Variants in DCHS2 observed in about 807,000 individuals in gnomAD.
DCHS2 encodes protocadherin-23.
DCHS2 carries 142 observed loss-of-function variants against 182.4 expected under a neutral mutation model. The observed-to-expected ratio is 0.78, with a 90% CI of 0.68 to 0.89. The LOEUF is 0.89. Among genes scored for constraint, DCHS2 ranks in the 40% least tolerant of loss-of-function variants. DCHS2 has a pLI of 0.00. For synonymous variants in DCHS2, 1,740 were observed against 1,663.3 expected, an observed-to-expected ratio of 1.05 and a Z score of -1.12; for missense variants, 4,319 against 4,198.6, an observed-to-expected ratio of 1.03 and a Z score of -0.79.
At chr4:154,344,490 T>C (rs1456908355) in intron 3 of DCHS2, among the ~76,000 whole-genome samples, 5 of 152,220 alleles carry the variant, frequency 3.3e-5, no homozygotes, top group Admixed American at 2.0e-4. Flanking sequence ...AATATATTTG[T>C]TTTGGTCAGG....
intron 14 of DCHS2, among the ~76,000 whole-genome samples, chr4:154,265,549 C>A (rs1181596400): frequency 6.6e-6 from 1 of 152,034 alleles, no homozygotes; most frequent in Non-Finnish European, 1.5e-5. Context: ...GAGGCCAAGG[C>A]AAGGAGATTG....
chr4:154,391,412 C>T (rs1484736091), intron 1 of DCHS2: 1 of 1,393,772 alleles, frequency 7.2e-7, no homozygotes, highest in Non-Finnish European at 9.4e-7. Context: ...CCACTTGCAG[C>T]ATAAAGAAAG....
intron 1 of DCHS2, among the ~76,000 whole-genome samples, chr4:154,378,520 A>AAGGAAGGAAGGAAG (rs1579025517): frequency 1.2e-4 from 8 of 64,098 alleles, no homozygotes; most frequent in Non-Finnish European, 2.2e-4. Context: ...AAGGAAGGAA[A>AAGGAAGGAAGGAAG]GAAGGAAGGA....
At chr4:154,426,086 G>A (rs1314494027) in intron 1 of DCHS2, among the ~76,000 whole-genome samples, 2 of 152,036 alleles carry the variant, frequency 1.3e-5, no homozygotes, top group Non-Finnish European at 2.9e-5. Context: ...TGTGCAGCCT[G>A]TCTAAACCAG....
At chr4:154,368,776 G>A (rs1048756848) in intron 2 of DCHS2, among the ~76,000 whole-genome samples, 6 of 152,172 alleles carry the variant, frequency 3.9e-5, no homozygotes, top group African/African-American at 1.4e-4. Context: ...TGGGATTACA[G>A]GCATGAGCCA....
intron 1 of DCHS2, among the ~76,000 whole-genome samples, chr4:154,462,908 T>A (rs537206310): frequency 2.0e-5 from 3 of 152,050 alleles, no homozygotes; most frequent in African/African-American, 7.2e-5. Context: ...ACAACTAATA[T>A]GTATATGCTC....
chr4:154,378,372 A>T (rs899928469), intron 1 of DCHS2, among the ~76,000 whole-genome samples: 2 of 151,900 alleles, frequency 1.3e-5, no homozygotes, highest in Admixed American at 6.6e-5. Context: ...CAGTAAGAGC[A>T]AACACCTACA....
chr4:154,382,395 A>G (rs1025107759), intron 1 of DCHS2, among the ~76,000 whole-genome samples: 2 of 152,186 alleles, frequency 1.3e-5, no homozygotes, highest in East Asian at 3.8e-4. Context: ...AGAATCCTAG[A>G]AGAAAACCTA....
rs145459255 is a variant in DCHS2, at chr4:154,442,407, C to T, written c.2052+46897G>A. 5.0e-3 allele frequency among the ~76,000 whole-genome samples: 756 copies of T among 151,984 alleles called. 5 individuals are homozygous for T. Among genetic ancestry groups the T allele is most frequent in the Admixed American group, 7.9e-3 (120 of 15,230 alleles). On this transcript the variant is annotated intron_variant, in intron 1 of 19. Coordinates refer to ENST00000357232, the MANE Select transcript of DCHS2 (RefSeq NM_001358235.2). The stretch of plus-strand genomic sequence containing the variant: ...TGACTCAAACATGCCCTTCCTGAGT[C>T]CCCCAAACCCCTTGACTGTACCTTG...
At chr4:154,367,757 C>T (rs1358376849) in intron 2 of DCHS2, among the ~76,000 whole-genome samples, 1 of 151,928 alleles carries the variant, frequency 6.6e-6, no homozygotes, top group East Asian at 1.9e-4. Context: ...CAGGGAGGCA[C>T]AGAGCAAGGA....
chr4:154,396,602 C>T (rs1731938894), intron 1 of DCHS2, among the ~76,000 whole-genome samples: 1 of 152,132 alleles, frequency 6.6e-6, no homozygotes, highest in Admixed American at 6.6e-5. Context: ...TCAACGGTGT[C>T]TCTAACCTCC....
At position 154,486,365 on chromosome 4, in the gene DCHS2, T is replaced by C. The variant is rs570410311; in HGVS notation, c.2052+2939A>G. 384 of 1,290,078 alleles carry C rather than the reference T, an allele frequency of 3.0e-4. 2 individuals are homozygous for C. The South Asian group carries it at 4.2e-3, about 14-fold the overall frequency. The allele number at this position is 1,290,078 out of a possible 1,614,324, so 79.9% of individuals were successfully genotyped here. On this transcript the variant is annotated intron_variant, in intron 1 of 19. Coordinates refer to ENST00000357232, the MANE Select transcript of DCHS2 (RefSeq NM_001358235.2). ...GTGGTAGGACCCCAAACATTGGGGATGTGGAGTAACCACTAAGACAACTTG... is the reference window on the plus strand; with the variant it reads ...GTGGTAGGACCCCAAACATTGGGGACGTGGAGTAACCACTAAGACAACTTG...
chr4:154,263,659 A>G (rs1381344579), intron 14 of DCHS2, among the ~76,000 whole-genome samples: 1 of 151,668 alleles, frequency 6.6e-6, no homozygotes, highest in Non-Finnish European at 1.5e-5. Context: ...TAAAGGCTGC[A>G]TATATTCCAA....
intron 1 of DCHS2, among the ~76,000 whole-genome samples, chr4:154,417,202 T>TGTGTGA (rs1732886225): frequency 2.4e-5 from 1 of 41,956 alleles, no homozygotes. Flanking sequence ...TGTGTGTGTG[T>TGTGTGA]GTGAGAGAGA....
chr4:154,332,712 C>T lies in DCHS2; in HGVS notation c.3496G>A (p.Glu1166Lys), dbSNP rs1257494143. 1.9e-6 allele frequency: 3 copies of T among 1,614,084 alleles called. No homozygotes were observed. The highest frequency in any genetic ancestry group is 1.3e-5 in the African/African-American group (1 of 74,922). ...CTCACATTTTGCAAGAATCCGTCCT[C>T]GGGGATCCAAGCAAACACTCTAAAA... is the stretch of plus-strand genomic sequence containing the variant. ...YNFRVFAWIP[E>K]DGFLQNVSTT... Residue 1166 changes from glutamate (E) to lysine (K), a missense_variant, in exon 5 of 20, where the codon GAG becomes AAG. Transcript: ENST00000357232.
chr4:154,237,335 T>TA, intron 19 of DCHS2, 176 bp from the exon 20 acceptor site: 3 of 879,730 alleles, frequency 3.4e-6, no homozygotes, highest in Non-Finnish European at 4.8e-6. Flanking sequence ...TATATGTTTA[T>TA]AACATGTAAG....
At chr4:154,349,764 G>A (rs1729523410) in intron 3 of DCHS2, among the ~76,000 whole-genome samples, 1 of 152,124 alleles carries the variant, frequency 6.6e-6, no homozygotes, top group African/African-American at 2.4e-5. Context: ...CACATGATAT[G>A]TATTTAAACG....
chr4:154,366,662 C>A (rs1220194567), intron 2 of DCHS2, among the ~76,000 whole-genome samples: 6 of 152,106 alleles, frequency 3.9e-5, no homozygotes, highest in Admixed American at 3.9e-4. Flanking sequence ...CAGACACACA[C>A]ACACACAAAC....
rs183388884 is a variant in DCHS2 at position 154,315,186 on chromosome 4, G to A, written c.5260+562C>T. On this transcript the variant is annotated intron_variant, in intron 10 of 19. Coordinates refer to ENST00000357232, the MANE Select transcript of DCHS2 (RefSeq NM_001358235.2). ...AGACACTGGTCTAAGCTCTTTACAA[G>A]TAATAATTCATTCATACTCATAACA... Among the ~76,000 whole-genome samples, 3 of 152,258 alleles carry A rather than the reference G, an allele frequency of 2.0e-5. No individual in the cohort carries two copies. In the East Asian group the frequency reaches 5.8e-4, roughly 29 times the overall value.
Sources: gnomAD v4.1 joint callset for allele counts (sites outside exome capture counted in the v4.1 genomes callset) on GRCh38, gnomAD v4.1.1 for gene constraint, MANE v1.5 for transcripts, NCBI Gene and HGNC (gene_info 2026-07-23, HGNC 2026-07-21) for gene names.